Variants in NRG1 observed in about 807,000 individuals in gnomAD.
The protein encoded by NRG1 is neuregulin 1.
A neutral mutation model predicts 63.8 loss-of-function variants in NRG1; 18 were observed. The ratio of observed to expected loss-of-function variants is 0.28; its 90% CI spans 0.19 to 0.42. The LOEUF (loss-of-function observed/expected upper bound fraction) is 0.42, where lower values mean the gene tolerates loss of function less well. NRG1 is among the 10% of genes least tolerant of loss of function. The pLI, the probability that NRG1 is intolerant of heterozygous loss-of-function variation, is 1.00. For missense variants in NRG1, 762 were observed against 814.7 expected (o/e 0.94, Z 0.79); for synonymous variants, 302 against 301.3 (o/e 1.00, Z -0.02).
intron 1 of NRG1, among the ~76,000 whole-genome samples, chr8:31,919,159 G>A (rs1425691262): frequency 6.6e-6 from 1 of 151,956 alleles, no homozygotes; most frequent in African/African-American, 2.4e-5. Context: ...ACCAGGTCCT[G>A]GATTCATTGA....
chr8:32,559,245 T>TAAAAAAAAAAAA (rs545838945), intron 1 of NRG1, among the ~76,000 whole-genome samples: 18,447 of 94,824 alleles, frequency 0.19, 2,977 homozygotes, highest in South Asian at 0.24. Context: ...CTCTAAAATG[T>TAAAAAAAAAAAA]AAAAAAAAAA....
intron 1 of NRG1, among the ~76,000 whole-genome samples, chr8:31,694,349 G>C (rs534157800): frequency 1.3e-5 from 2 of 152,272 alleles, no homozygotes; most frequent in South Asian, 2.1e-4. Context: ...GCCCTTCTCT[G>C]TGTCTAGAGA....
intron 1 of NRG1, among the ~76,000 whole-genome samples, chr8:31,991,135 G>A (rs1431465907): frequency 6.6e-6 from 1 of 152,032 alleles, no homozygotes; most frequent in Non-Finnish European, 1.5e-5. Flanking sequence ...GAAGGAGTAG[G>A]ACAGTAAATG....
At chr8:31,794,543 C>T (rs1821015948) in intron 1 of NRG1, among the ~76,000 whole-genome samples, 1 of 151,262 alleles carries the variant, frequency 6.6e-6, no homozygotes, top group South Asian at 2.1e-4. Flanking sequence ...ACTCGGTAGA[C>T]AAGCAAAGGA....
At chr8:32,046,437 C>A (rs1821009574) in intron 1 of NRG1, among the ~76,000 whole-genome samples, 1 of 151,996 alleles carries the variant, frequency 6.6e-6, no homozygotes, top group African/African-American at 2.4e-5. Context: ...CCATACATGC[C>A]ATTCCTTAGT....
At chr8:31,815,491 A>C (rs538117683) in intron 1 of NRG1, among the ~76,000 whole-genome samples, 2 of 152,280 alleles carry the variant, frequency 1.3e-5, no homozygotes, top group South Asian at 4.1e-4. Flanking sequence ...TTATCCATTC[A>C]TCCAGCCACG....
chr8:32,735,249 G>T (rs1824717232), intron 6 of NRG1, among the ~76,000 whole-genome samples: 1 of 152,142 alleles, frequency 6.6e-6, no homozygotes, highest in South Asian at 2.1e-4. Flanking sequence ...ATTGTGAATA[G>T]TAGATTTTTT....
chr8:31,775,882 C>CAAAAAAAAA (rs71208140), intron 1 of NRG1, among the ~76,000 whole-genome samples: 1 of 72,204 alleles, frequency 1.4e-5, no homozygotes, highest in Admixed American at 1.7e-4. Context: ...GACTCCGTCT[C>CAAAAAAAAA]AAAAAAAAAA....
intron 1 of NRG1, among the ~76,000 whole-genome samples, chr8:31,781,818 T>C (rs1158412095): frequency 1.3e-5 from 2 of 152,018 alleles, no homozygotes; most frequent in Non-Finnish European, 2.9e-5. Flanking sequence ...CTCTATATTT[T>C]AAGTCTAAAT....
Position 32,462,028 on chromosome 8 carries a change from G to A in NRG1, c.38-133800G>A, listed in dbSNP as rs1822386906. On this transcript the variant is annotated intron_variant, in intron 1 of 10. Transcript: ENST00000519301. ...CCTGTTTCCTTGCCCTGGACTTTTA[G>A]CATTTCTTTCTTCTGGTGTAAAGTC... Among the ~76,000 whole-genome samples the A allele has an allele frequency of 3.3e-5, 5 of 152,134 alleles. No individual in the cohort carries two copies. The South Asian group carries it at 1.0e-3, about 31-fold the overall frequency.
chr8:32,704,865 A>G (rs756421676), intron 5 of NRG1, among the ~76,000 whole-genome samples: 6 of 152,200 alleles, frequency 3.9e-5, no homozygotes, highest in Non-Finnish European at 5.9e-5. Flanking sequence ...AAGCTATACA[A>G]AGTCTCATCA....
intron 1 of NRG1, among the ~76,000 whole-genome samples, chr8:32,334,190 G>A (rs1802979583): frequency 6.6e-6 from 1 of 151,886 alleles, no homozygotes; most frequent in Non-Finnish European, 1.5e-5. Context: ...CTTTTTCACT[G>A]CAGTCTTTTT....
intron 1 of NRG1, among the ~76,000 whole-genome samples, chr8:31,761,157 A>G (rs960649862): frequency 6.6e-6 from 1 of 152,184 alleles, no homozygotes; most frequent in African/African-American, 2.4e-5. Flanking sequence ...TTGTAGGGAC[A>G]TGGATGAAAT....
At chr8:32,077,633 G>A (rs2131108733) in intron 1 of NRG1, among the ~76,000 whole-genome samples, 1 of 152,250 alleles carries the variant, frequency 6.6e-6, no homozygotes, top group East Asian at 1.9e-4. Flanking sequence ...AATTACGATA[G>A]AAACTGACAT....
chr8:32,276,121 C>T (rs893151006), intron 1 of NRG1, among the ~76,000 whole-genome samples: 3 of 152,104 alleles, frequency 2.0e-5, no homozygotes, highest in African/African-American at 7.2e-5. Context: ...CCTACAGTGC[C>T]ACAGAGCACT....
chr8:32,424,001 C>T (rs1415395064), intron 1 of NRG1, among the ~76,000 whole-genome samples: 7 of 152,156 alleles, frequency 4.6e-5, no homozygotes. Flanking sequence ...AAGTTTATGT[C>T]TCCTGCCCAG....
At chr8:31,966,581 C>T (rs1432706157) in intron 1 of NRG1, among the ~76,000 whole-genome samples, 2 of 152,146 alleles carry the variant, frequency 1.3e-5, no homozygotes, top group African/African-American at 4.8e-5. Flanking sequence ...ATTACAATTT[C>T]CCCACTACAA....
intron 1 of NRG1, among the ~76,000 whole-genome samples, chr8:32,190,331 G>A (rs1842370174): frequency 6.6e-6 from 1 of 151,898 alleles, no homozygotes; most frequent in Non-Finnish European, 1.5e-5. Flanking sequence ...GACAGCCTCT[G>A]TAGCCAAATT....
chr8:32,580,483 A>G lies in NRG1; in HGVS notation c.101-15345A>G, dbSNP rs897977449. Among the ~76,000 whole-genome samples, 11 of 152,342 alleles carry G rather than the reference A, an allele frequency of 7.2e-5. 1 individual carries two copies. The South Asian group carries it at 2.1e-3, about 29-fold the overall frequency. On this transcript the variant is annotated intron_variant, in intron 1 of 11. Coordinates refer to ENST00000356819, the Ensembl canonical transcript of NRG1. ...TACCAACATTTGTTGAGTGCTTGCA[A>G]TGTGACACACACTGACTGCTATGTG...
Sources: allele counts gnomAD v4.1 joint callset (sites outside exome capture counted in the v4.1 genomes callset), GRCh38; gene constraint gnomAD v4.1.1; transcripts MANE v1.5; gene names NCBI Gene and HGNC (gene_info 2026-07-23, HGNC 2026-07-21).